The following MYO15B variants were observed in gnomAD, a reference collection of about 807,000 sequenced individuals.
MYO15B encodes the protein myosin XVB, also known as myosin XVB pseudogene.
A neutral mutation model predicts 119.3 loss-of-function variants in MYO15B; 207 were observed. That is an observed-to-expected ratio of 1.73 (90% CI 1.55 to 1.95). MYO15B has a LOEUF of 1.95. Among genes scored for constraint, MYO15B ranks in the 30% most tolerant of loss-of-function variants. The pLI is 0.00. For synonymous variants in MYO15B, 966 were observed against 498.9 expected (o/e 1.94, Z -12.48); for missense variants, 2,264 against 1,203.1 (o/e 1.88, Z -13.04).
chr17:75,601,711 C>T lies in MYO15B; in HGVS notation c.3651+148C>T, dbSNP rs114168265. The T allele has an allele frequency of 2.5e-3, 1,509 of 612,074 alleles. 18 individuals carry two copies. The African/African-American group carries it at 0.025, about 10-fold the overall frequency. The allele number at this position is 612,074 out of a possible 1,614,324, so 37.9% of individuals were successfully genotyped here. On this transcript the variant is annotated intron_variant, in intron 15 of 63. Transcript: ENST00000645453. The stretch of plus-strand genomic sequence containing the variant: ...TCCCTACCTGAGCCATGGGCCCTGC[C>T]CAGTTCTGAGCACGGTTTACTGAGT...
At chr17:75,610,058 G>C in intron 21 of MYO15B, 108 bp from the exon 22 acceptor site, 1 of 547,512 alleles carries the variant, frequency 1.8e-6, no homozygotes, top group South Asian at 2.3e-5. Flanking sequence ...GGCTTCTCTG[G>C]TCCAAAGTCA....
In MYO15B at chr17:75,605,498, G is replaced by T; in HGVS notation, c.4017-6G>T. 1.4e-6 allele frequency: 1 copy of T among 702,706 alleles called. No individual in the cohort carries two copies. The highest frequency in any genetic ancestry group is 1.5e-5 in the South Asian group (1 of 67,594). 43.5% of individuals were successfully genotyped at this position (702,706 alleles called of 1,614,324 possible). ...TATTCTGATCTCAGCTCCATCCTTGGAGCAGCTTCCAGGCCCTGGGGTCAG... is the reference window on the plus strand; with the variant it reads ...TATTCTGATCTCAGCTCCATCCTTGTAGCAGCTTCCAGGCCCTGGGGTCAG... On this transcript the variant is annotated splice_polypyrimidine_tract_variant and splice_region_variant and intron_variant, in intron 19 of 63. Coordinates refer to ENST00000645453, the Ensembl canonical transcript of MYO15B.
exon 57 of MYO15B, chr17:75,624,410 G>A (rs187357707): frequency 8.5e-6 from 6 of 702,560 alleles, no homozygotes; most frequent in Admixed American, 2.0e-5. Flanking sequence ...CACCTGCCGG[G>A]GGGTGTGGAT....
chr17:75,617,514 G>A (rs1015697274), intron 41 of MYO15B: 1 of 552,146 alleles, frequency 1.8e-6, no homozygotes, highest in South Asian at 2.4e-5. Flanking sequence ...GGCTGTCATC[G>A]AGAGGCTGTC....
chr17:75,619,819 T>C lies in MYO15B; in HGVS notation c.7301+20T>C, dbSNP rs1205344412. On this transcript the variant is annotated intron_variant, in intron 46 of 63. Transcript: ENST00000645453. ...ATACAGGTGCGCTAGCCCACGACCC[T>C]GGGCTAGAGGTGGGGGCAGGTGGCA... 1.4e-6 allele frequency: 1 copy of C among 702,734 alleles called. No homozygotes were observed. The allele number at this position is 702,734 out of a possible 1,614,324, so 43.5% of individuals were successfully genotyped here. A position where few individuals can be genotyped will look rare whatever the true frequency, so the allele number is the denominator to read the frequency against.
At chr17:75,596,671 T>A in intron 13 of MYO15B, 97 bp from the exon 14 acceptor site, 1 of 673,936 alleles carries the variant, frequency 1.5e-6, no homozygotes, top group Admixed American at 2.1e-5. Flanking sequence ...CCCCTTTCCA[T>A]GAGGTGTCTC....
At chr17:75,592,373 G>C (rs1254167808) in intron 7 of MYO15B, 55 bp from the exon 8 acceptor site, 2 of 695,922 alleles carry the variant, frequency 2.9e-6, no homozygotes, top group Non-Finnish European at 5.2e-6. Flanking sequence ...CACTGTCGGG[G>C]TGTGGCCTCT....
Position 75,626,210 on chromosome 17 carries a change from CT to C in MYO15B, c.9196del (p.Trp3066GlyfsTer17). 1.4e-6 allele frequency: 1 copy of C among 703,054 alleles called. No individual in the cohort carries two copies. The highest frequency in any genetic ancestry group is 2.6e-6 in the Non-Finnish European group (1 of 385,000). 43.6% of individuals were successfully genotyped at this position (703,054 alleles called of 1,614,324 possible). On this transcript the variant is annotated frameshift_variant, in exon 63 of 64. Coordinates refer to ENST00000645453, the Ensembl canonical transcript of MYO15B. LOFTEE classifies it low-confidence loss of function (END_TRUNC). ...GCTCAGCTGACAACCCCCAGACCAT[CT>C]GGTTTGAGCTGCCACAGGTGAGTGG...
intron 21 of MYO15B, among the ~76,000 whole-genome samples, chr17:75,607,431 A>AATTATTATT (rs71721337): frequency 3.4e-4 from 48 of 140,470 alleles, no homozygotes; most frequent in African/African-American, 1.0e-3. Context: ...GTTAATAATT[A>AATTATTATT]ATTATTATTA....
chr17:75,619,446 C>T (rs746656993), exon 45 of MYO15B: 5 of 702,640 alleles, frequency 7.1e-6, no homozygotes, highest in South Asian at 1.5e-5. Context: ...ACAACTGGGC[C>T]AATTACTTCT....
chr17:75,621,498 C>T lies in MYO15B; in HGVS notation c.7936-3C>T. On this transcript the variant is annotated splice_region_variant and splice_polypyrimidine_tract_variant and intron_variant, in intron 51 of 63. Coordinates refer to ENST00000645453, the Ensembl canonical transcript of MYO15B. ...ACCCATGGCCTCCTCTCTTTGGCCA[C>T]AGGCTCCCATCCAGGAGTCGCTCCT... 2 of 701,570 alleles carry T rather than the reference C, an allele frequency of 2.9e-6. No homozygotes were observed. The highest frequency in any genetic ancestry group is 5.2e-6 in the Non-Finnish European group (2 of 383,928). 43.5% of individuals were successfully genotyped at this position (701,570 alleles called of 1,614,324 possible). A position where few individuals can be genotyped will look rare whatever the true frequency, so the allele number is the denominator to read the frequency against.
chr17:75,615,898 C>T lies in MYO15B; in HGVS notation c.6030+14C>T, dbSNP rs2148030669. 3.0e-6 allele frequency: 2 copies of T among 656,256 alleles called. No homozygotes were observed. The highest frequency in any genetic ancestry group is 5.4e-5 in the East Asian group (2 of 36,766). The allele number at this position is 656,256 out of a possible 1,614,324, so 40.7% of individuals were successfully genotyped here. ...GGCTGCCTGAGGGTGAGGAGGTGAC[C>T]ATATTCTCAGGAAGGGATGTGAGGG... On this transcript the variant is annotated intron_variant, in intron 36 of 63. Coordinates refer to ENST00000645453, the Ensembl canonical transcript of MYO15B.
intron 9 of MYO15B, among the ~76,000 whole-genome samples, chr17:75,593,197 TAAAAAAA>T (rs5822094): frequency 2.7e-5 from 2 of 74,228 alleles, no homozygotes; most frequent in African/African-American, 1.1e-4. Flanking sequence ...CCGTCTCTAT[TAAAAAAA>T]AAAAAAAAAA....
At chr17:75,601,297 C>T in intron 14 of MYO15B, 141 bp from the exon 15 acceptor site, 1 of 588,866 alleles carries the variant, frequency 1.7e-6, no homozygotes. Context: ...CCTCGGCCTC[C>T]CAAAGCGCTT....
chr17:75,613,244 G>A (rs562730062), intron 27 of MYO15B, 35 bp downstream of exon 27: 4 of 675,780 alleles, frequency 5.9e-6, no homozygotes, highest in African/African-American at 5.3e-5. Context: ...CTGGCAGGTG[G>A]GGTCGCTGGA....
intron 41 of MYO15B, 86 bp from the exon 42 acceptor site, chr17:75,617,724 G>A: frequency 1.6e-6 from 1 of 627,672 alleles, no homozygotes; most frequent in Non-Finnish European, 2.9e-6. Flanking sequence ...GAAGGCTCGT[G>A]GGGATGAAGG....
At chr17:75,626,571 C>A in exon 64 of MYO15B, 1 of 695,106 alleles carries the variant, frequency 1.4e-6, no homozygotes, top group South Asian at 1.5e-5. Context: ...GCTATCAGAT[C>A]ACTGTTCTAG....
rs931569704 is a variant in MYO15B, at chr17:75,624,342, C to T, written c.8368-28C>T. On this transcript the variant is annotated intron_variant, in intron 56 of 63. Coordinates refer to ENST00000645453, the Ensembl canonical transcript of MYO15B. ...GTGTCTCCTACAGGAGACCACTGGC[C>T]GACTGACCCTGCAACCTGCCTTGGC... is the stretch of plus-strand genomic sequence containing the variant. 23 of 702,598 alleles carry T rather than the reference C, an allele frequency of 3.3e-5. 1 individual carries two copies. The highest frequency in any genetic ancestry group is 1.2e-4 in the African/African-American group (7 of 57,254). The allele number at this position is 702,598 out of a possible 1,614,324, so 43.5% of individuals were successfully genotyped here.
At chr17:75,614,603 C>T (rs1465164945) in exon 31 of MYO15B, 4 of 701,090 alleles carry the variant, frequency 5.7e-6, no homozygotes, top group East Asian at 2.7e-5. Flanking sequence ...ATTCCCCTTG[C>T]CCCTGGCATT....
Sources: allele counts gnomAD v4.1 joint callset (sites outside exome capture counted in the v4.1 genomes callset), GRCh38; gene constraint gnomAD v4.1.1; transcripts MANE v1.5; gene names NCBI Gene and HGNC (gene_info 2026-07-23, HGNC 2026-07-21).